The following HGSNAT variants were observed in gnomAD, a reference collection of about 807,000 sequenced individuals.
HGSNAT encodes the protein transmembrane protein 76.
A neutral mutation model predicts 85.2 loss-of-function variants in HGSNAT; 59 were observed. That is an observed-to-expected ratio of 0.69 (90% confidence interval 0.56 to 0.86). HGSNAT has a LOEUF of 0.86. HGSNAT is among the 40% of genes least tolerant of loss of function. The pLI, the probability that HGSNAT is intolerant of heterozygous loss-of-function variation, is 0.00. For missense variants in HGSNAT, 756 were observed against 777.1 expected, an observed-to-expected ratio of 0.97 and a Z score of 0.32; for synonymous variants, 321 against 304.5, an observed-to-expected ratio of 1.05 and a Z score of -0.56.
intron 4 of HGSNAT, among the ~76,000 whole-genome samples, chr8:43,159,917 C>G (rs949700756): frequency 2.0e-5 from 3 of 152,212 alleles, no homozygotes; most frequent in Non-Finnish European, 1.5e-5. Context: ...TGAACAAGTA[C>G]TGTTCACAGG....
intron 14 of HGSNAT, 43 bp from the exon 15 acceptor site, chr8:43,196,905 C>T (rs1374899610): frequency 8.5e-7 from 1 of 1,177,380 alleles, no homozygotes; most frequent in Non-Finnish European, 1.3e-6. Flanking sequence ...ATAAAAATAT[C>T]CCTTTGGCGA....
chr8:43,149,732 G>T (rs1802840471), intron 2 of HGSNAT, among the ~76,000 whole-genome samples: 1 of 151,766 alleles, frequency 6.6e-6, no homozygotes, highest in African/African-American at 2.4e-5. Context: ...TAAATTTTAA[G>T]CAGATGTAGA....
chr8:43,141,396 C>G (rs761163845), intron 1 of HGSNAT, among the ~76,000 whole-genome samples: 1 of 152,148 alleles, frequency 6.6e-6, no homozygotes, highest in Non-Finnish European at 1.5e-5. Flanking sequence ...AGGCGCTCAG[C>G]TCATACCGTG....
chr8:43,142,802 C>A (rs1306957983), intron 1 of HGSNAT, among the ~76,000 whole-genome samples: 2 of 152,184 alleles, frequency 1.3e-5, no homozygotes, highest in Non-Finnish European at 2.9e-5. Context: ...TAGTTAGTAA[C>A]AATGACAATG....
intron 17 of HGSNAT, 45 bp from the exon 18 acceptor site, chr8:43,199,343 C>A: frequency 7.4e-7 from 1 of 1,347,854 alleles, no homozygotes; most frequent in African/African-American, 1.4e-5. Flanking sequence ...TTAGATGTGA[C>A]TCATCTGTGA....
chr8:43,161,864 T>A (rs1469118193), intron 5 of HGSNAT, among the ~76,000 whole-genome samples: 2 of 152,236 alleles, frequency 1.3e-5, no homozygotes, highest in Non-Finnish European at 2.9e-5. Context: ...CCCTTCCCCC[T>A]CTCTGGCCCT....
rs1804861418 is a variant in HGSNAT, at chr8:43,199,840, GGA to G, written c.*274_*275del. 7.5e-6 allele frequency: 2 copies of G among 266,920 alleles called. No individual in the cohort carries two copies. Among genetic ancestry groups the G allele is most frequent in the Non-Finnish European group, 1.4e-5 (2 of 142,936 alleles). The allele number at this position is 266,920 out of a possible 1,614,324, so 16.5% of individuals were successfully genotyped here. A position where few individuals can be genotyped will look rare whatever the true frequency, so the allele number is the denominator to read the frequency against. On this transcript the variant is annotated 3_prime_UTR_variant, in exon 18 of 18. Transcript: ENST00000379644. ...GGATGTCTTTGGAACTTCATTCCGA[GGA>G]GATAAGCTTTAACTTTCCAAAAGGG...
At chr8:43,161,301 T>C (rs1267171579) in intron 4 of HGSNAT, 137 bp from the exon 5 acceptor site, 15 of 631,326 alleles carry the variant, frequency 2.4e-5, no homozygotes, top group Non-Finnish European at 4.2e-5. Context: ...CCCTTCAGGG[T>C]GAGCATAGGA....
At chr8:43,197,492 G>C in intron 15 of HGSNAT, 180 bp from the exon 16 acceptor site, 1 of 600,702 alleles carries the variant, frequency 1.7e-6, no homozygotes, top group Non-Finnish European at 2.9e-6. Context: ...GAGATTTTGG[G>C]AGAGTATTTT....
intron 1 of HGSNAT, 105 bp downstream of exon 1, chr8:43,140,719 C>A (rs992688400): frequency 7.1e-6 from 3 of 421,308 alleles, no homozygotes; most frequent in African/African-American, 4.3e-5. Flanking sequence ...CTAGGCCGGG[C>A]CGGAACCGCC....
intron 9 of HGSNAT, among the ~76,000 whole-genome samples, chr8:43,176,907 CT>C (rs1469065869): frequency 6.6e-6 from 1 of 152,194 alleles, no homozygotes; most frequent in East Asian, 1.9e-4. Flanking sequence ...TATCCTGCAA[CT>C]TTACTGAATT....
intron 1 of HGSNAT, among the ~76,000 whole-genome samples, chr8:43,141,697 G>C (rs1802551275): frequency 6.6e-6 from 1 of 152,072 alleles, no homozygotes; most frequent in African/African-American, 2.4e-5. Context: ...GGAGGAGAAA[G>C]GCGTTGTGAA....
intron 14 of HGSNAT, chr8:43,196,378 T>C (rs1804726549): frequency 6.3e-6 from 6 of 946,960 alleles, no homozygotes; most frequent in Non-Finnish European, 8.8e-6. Flanking sequence ...AATGTTTCCC[T>C]GCCTCCCCCA....
In HGSNAT at chr8:43,178,024, A is replaced by G. The variant is rs571340171; in HGVS notation, c.852-50A>G. The G allele has an allele frequency of 2.7e-6, 4 of 1,476,308 alleles. No individual in the cohort carries two copies. The African/African-American group carries it at 5.5e-5, about 20-fold the overall frequency. The allele number at this position is 1,476,308 out of a possible 1,614,324, so 91.5% of individuals were successfully genotyped here. A position where few individuals can be genotyped will look rare whatever the true frequency, so the allele number is the denominator to read the frequency against. On this transcript the variant is annotated intron_variant, in intron 9 of 17. Coordinates refer to ENST00000379644, the MANE Select transcript of HGSNAT (RefSeq NM_152419.3). ...ATATTATAAAATGTTACTGATATAT[A>G]GACAAAAAATTTGGAAATGGCCACC...
intron 10 of HGSNAT, 63 bp from the exon 11 acceptor site, chr8:43,182,082 T>C (rs1804144793): frequency 1.4e-5 from 17 of 1,230,200 alleles, no homozygotes; most frequent in Non-Finnish European, 1.8e-5. Context: ...AAACAAATAA[T>C]GTTGTCCTGG....
chr8:43,161,148 G>A (rs1803253812), intron 4 of HGSNAT, among the ~76,000 whole-genome samples: 1 of 152,156 alleles, frequency 6.6e-6, no homozygotes, highest in South Asian at 2.1e-4. Context: ...GGACATGGGG[G>A]TGGGTGGGTA....
intron 2 of HGSNAT, among the ~76,000 whole-genome samples, chr8:43,154,231 A>G (rs2130702152): frequency 6.6e-6 from 1 of 152,134 alleles, no homozygotes. Context: ...TTTAGGGTAC[A>G]TGTGCACAAT....
chr8:43,167,694 G>A (rs559986915), intron 5 of HGSNAT, among the ~76,000 whole-genome samples: 3 of 152,046 alleles, frequency 2.0e-5, no homozygotes, highest in Admixed American at 1.3e-4. Context: ...CTTGAGCTAT[G>A]CCTGTACTGG....
At chr8:43,151,368 A>G (rs1802911690) in intron 2 of HGSNAT, among the ~76,000 whole-genome samples, 1 of 152,208 alleles carries the variant, frequency 6.6e-6, no homozygotes, top group Non-Finnish European at 1.5e-5. Flanking sequence ...CTGGAAAAAT[A>G]ACGGAACCTG....
Sources: gnomAD v4.1 joint callset for allele counts (sites outside exome capture counted in the v4.1 genomes callset) on GRCh38, gnomAD v4.1.1 for gene constraint, MANE v1.5 for transcripts, NCBI Gene and HGNC (gene_info 2026-07-23, HGNC 2026-07-21) for gene names.